Variants in ALG14 observed in about 807,000 individuals in gnomAD.
The protein encoded by ALG14 is UDP-N-acetylglucosamine transferase subunit ALG14.
In ALG14, 17 loss-of-function variants were observed where a neutral mutation model predicts 22.8. The observed-to-expected ratio is 0.75, with a 90% CI of 0.51 to 1.12. ALG14 has a LOEUF of 1.12. Ranked by LOEUF, ALG14 falls within the 50% of genes most tolerant of loss-of-function variation. The pLI is 0.00. For synonymous variants in ALG14, 89 were observed against 103.7 expected, an observed-to-expected ratio of 0.86 and a Z score of 0.86; for missense variants, 288 against 271.8, an observed-to-expected ratio of 1.06 and a Z score of -0.42.
At position 94,982,699 on chromosome 1, in the gene ALG14, CA is replaced by C. The variant is rs368855559; in HGVS notation, c.*376del. On this transcript the variant is annotated 3_prime_UTR_variant, in exon 4 of 4. Transcript: ENST00000370205. ...TTCTTTTACAATGCAGAATACTTTA[CA>C]AAAAAAAAAAAAAAAAAAAAAAGCT... The C allele has an allele frequency of 0.037, 2,927 of 78,962 alleles. 4 individuals are homozygous for C. The highest frequency in any genetic ancestry group is 0.067 in the South Asian group (108 of 1,604). The allele number at this position is 78,962 out of a possible 1,614,324, so 4.9% of individuals were successfully genotyped here.
At chr1:95,024,579 T>C (rs1462875164) in intron 3 of ALG14, among the ~76,000 whole-genome samples, 1 of 152,210 alleles carries the variant, frequency 6.6e-6, no homozygotes, top group Non-Finnish European at 1.5e-5. Context: ...AAAGTGAACA[T>C]GAAGACTTGA....
Position 94,978,495 on chromosome 1 carries a change from C to G in ALG14, c.*4581G>C, listed in dbSNP as rs1009303052. ...GACAAACATAAATAATCAGCAATAGCATTCATTATTCCTTCCACAGGTGTT... is the reference window on the plus strand; with the variant it reads ...GACAAACATAAATAATCAGCAATAGGATTCATTATTCCTTCCACAGGTGTT... On this transcript the variant is annotated 3_prime_UTR_variant, in exon 4 of 4. Transcript: ENST00000370205. The G allele has an allele frequency of 1.3e-5, 2 of 152,156 alleles. No individual in the cohort carries two copies. The highest frequency in any genetic ancestry group is 4.8e-5 in the African/African-American group (2 of 41,426). The allele number at this position is 152,156 out of a possible 1,614,324, so 9.4% of individuals were successfully genotyped here.
chr1:94,994,221 T>A (rs1022038297), intron 3 of ALG14, among the ~76,000 whole-genome samples: 1 of 152,068 alleles, frequency 6.6e-6, no homozygotes, highest in Non-Finnish European at 1.5e-5. Context: ...TGGACCAAGG[T>A]GATGATTTCC....
intron 3 of ALG14, among the ~76,000 whole-genome samples, chr1:94,987,013 G>A (rs1188501347): frequency 2.6e-5 from 4 of 152,058 alleles, no homozygotes. Context: ...ACACTTGCTG[G>A]AGCTGCTGAG....
At chr1:95,071,310 T>C (rs1675554265) in intron 1 of ALG14, among the ~76,000 whole-genome samples, 1 of 152,158 alleles carries the variant, frequency 6.6e-6, no homozygotes, top group Non-Finnish European at 1.5e-5. Flanking sequence ...TTTGGGATGC[T>C]GAGGCAGGAG....
intron 2 of ALG14, among the ~76,000 whole-genome samples, chr1:95,030,264 T>C (rs750441171): frequency 1.5e-4 from 23 of 152,164 alleles, no homozygotes; most frequent in Non-Finnish European, 3.2e-4. Context: ...AGCTTCATGC[T>C]GATTCAAATC....
At chr1:95,069,915 G>A (rs767425860) in intron 1 of ALG14, among the ~76,000 whole-genome samples, 8 of 152,118 alleles carry the variant, frequency 5.3e-5, no homozygotes, top group Non-Finnish European at 7.3e-5. Context: ...GAAATTATCC[G>A]AGCTGGGGAG....
At chr1:95,057,551 C>T (rs748454740) in intron 2 of ALG14, among the ~76,000 whole-genome samples, 6 of 150,878 alleles carry the variant, frequency 4.0e-5, no homozygotes, top group African/African-American at 4.9e-5. Context: ...TTTTGGCATC[C>T]GTGCAAGGTC....
chr1:95,024,025 C>T (rs1395335898), intron 3 of ALG14, among the ~76,000 whole-genome samples: 6 of 152,216 alleles, frequency 3.9e-5, no homozygotes, highest in East Asian at 1.9e-4. Context: ...AGTCCTCTTA[C>T]TTTAATAATC....
chr1:94,994,421 T>C (rs1165493451), intron 3 of ALG14, among the ~76,000 whole-genome samples: 2 of 152,200 alleles, frequency 1.3e-5, no homozygotes, highest in Non-Finnish European at 2.9e-5. Context: ...TCAATCCCTT[T>C]CCTTCAGCTT....
rs1672446791 is a variant in ALG14, at chr1:94,978,954, A to G, written c.*4122T>C. 1 of 152,076 alleles carries G rather than the reference A, an allele frequency of 6.6e-6. No individual in the cohort carries two copies. Among genetic ancestry groups the G allele is most frequent in the Non-Finnish European group, 1.5e-5 (1 of 68,022 alleles). The allele number at this position is 152,076 out of a possible 1,614,324, so 9.4% of individuals were successfully genotyped here. ...ACTTTCTAGTTCTATAATCTTTAAT[A>G]AATTACTTAACCTCTCTGTGGTGTA... On this transcript the variant is annotated 3_prime_UTR_variant, in exon 4 of 4. Transcript: ENST00000370205.
At chr1:95,019,353 T>A (rs994031413) in intron 3 of ALG14, among the ~76,000 whole-genome samples, 1 of 152,222 alleles carries the variant, frequency 6.6e-6, no homozygotes, top group African/African-American at 2.4e-5. Context: ...TTTTTAAGCA[T>A]GTATAATACC....
intron 2 of ALG14, among the ~76,000 whole-genome samples, chr1:95,061,297 G>A (rs1675138918): frequency 6.6e-6 from 1 of 152,072 alleles, no homozygotes; most frequent in Admixed American, 6.6e-5. Flanking sequence ...AAACAAAAAC[G>A]AAATCACTTT....
At chr1:95,022,056 A>G (rs1198513672) in intron 3 of ALG14, among the ~76,000 whole-genome samples, 1 of 152,224 alleles carries the variant, frequency 6.6e-6, no homozygotes, top group African/African-American at 2.4e-5. Context: ...CAAAAATCAC[A>G]GGCAAAGCCA....
rs184127159 is a variant in ALG14, at chr1:95,044,869, A to C, written c.289-17609T>G. Among the ~76,000 whole-genome samples, 727 of 151,694 alleles carry C rather than the reference A, an allele frequency of 4.8e-3. 7 individuals are homozygous for C. The highest frequency in any genetic ancestry group is 5.7e-3 in the Non-Finnish European group (388 of 67,932). ...CAAATATTTATTGCTGAATAAACAA[A>C]GTATTTTTTTTTTAAAAAAAGCATT... is the stretch of plus-strand genomic sequence containing the variant. On this transcript the variant is annotated intron_variant, in intron 2 of 3. Coordinates refer to ENST00000370205, the MANE Select transcript of ALG14 (RefSeq NM_144988.4).
intron 2 of ALG14, among the ~76,000 whole-genome samples, chr1:95,058,888 AT>A (rs890427609): frequency 4.0e-5 from 6 of 151,446 alleles, no homozygotes; most frequent in East Asian, 2.0e-4. Flanking sequence ...TTAAAATTTT[AT>A]TTTTTTTCCT....
chr1:95,060,448 G>C (rs2100832334), intron 2 of ALG14, among the ~76,000 whole-genome samples: 1 of 152,242 alleles, frequency 6.6e-6, no homozygotes, highest in East Asian at 1.9e-4. Context: ...TGGGCACAGT[G>C]GCTCACGCCT....
intron 3 of ALG14, among the ~76,000 whole-genome samples, chr1:95,024,310 A>G (rs534111082): frequency 3.9e-5 from 6 of 152,230 alleles, no homozygotes; most frequent in African/African-American, 1.4e-4. Context: ...AACTGAATTA[A>G]TCTGTATTTC....
chr1:95,012,338 C>T (rs534874620), intron 3 of ALG14, among the ~76,000 whole-genome samples: 6 of 152,304 alleles, frequency 3.9e-5, no homozygotes, highest in African/African-American at 7.2e-5. Context: ...TGGATCTTTT[C>T]GTGGATGTCA....
Sources: allele counts gnomAD v4.1 joint callset (sites outside exome capture counted in the v4.1 genomes callset), GRCh38; gene constraint gnomAD v4.1.1; transcripts MANE v1.5; gene names NCBI Gene and HGNC (gene_info 2026-07-23, HGNC 2026-07-21).